SOX6: variants seen among roughly 807,000 people sequenced by gnomAD.
The protein encoded by SOX6 is transcription factor SOX-6.
SOX6 carries 11 observed loss-of-function variants against 97.8 expected under a neutral mutation model. That is an observed-to-expected ratio of 0.11 (90% CI 0.07 to 0.19). The LOEUF (loss-of-function observed/expected upper bound fraction) is 0.19. Among genes scored for constraint, SOX6 ranks in the 10% least tolerant of loss-of-function variants. The pLI is 1.00. For synonymous variants in SOX6, 360 were observed against 371.4 expected, an observed-to-expected ratio of 0.97 and a Z score of 0.35; for missense variants, 810 against 1,039.5, an observed-to-expected ratio of 0.78 and a Z score of 3.04.
intron 4 of SOX6, among the ~76,000 whole-genome samples, chr11:16,523,830 T>G (rs1861111296): frequency 6.6e-6 from 1 of 152,140 alleles, no homozygotes; most frequent in Admixed American, 6.5e-5. Context: ...AAATACAAAC[T>G]ACCATCAGAG....
chr11:16,310,143 T>C (rs746254815), intron 3 of SOX6, among the ~76,000 whole-genome samples: 8 of 151,980 alleles, frequency 5.3e-5, no homozygotes, highest in Non-Finnish European at 1.0e-4. Flanking sequence ...GACACACAAA[T>C]TGAAGTTAAG....
intron 4 of SOX6, among the ~76,000 whole-genome samples, chr11:16,487,511 A>G (rs914017489): frequency 2.0e-5 from 3 of 152,218 alleles, no homozygotes; most frequent in Non-Finnish European, 4.4e-5. Context: ...GAGGATTCCT[A>G]TCCTTGCTGA....
intron 6 of SOX6, among the ~76,000 whole-genome samples, chr11:16,158,974 G>A (rs1850672650): frequency 6.6e-6 from 1 of 151,652 alleles, no homozygotes; most frequent in Non-Finnish European, 1.5e-5. Flanking sequence ...ATGCCAAATA[G>A]ATAGCAGAGC....
chr11:16,020,497 A>ATGGCCATACAGCCAGTTCCATGG (rs1226814123), intron 12 of SOX6, among the ~76,000 whole-genome samples: 1 of 151,904 alleles, frequency 6.6e-6, no homozygotes, highest in African/African-American at 2.4e-5. Context: ...TCTTTCATAC[A>ATGGCCATACAGCCAGTTCCATGG]CTGCTCCCCA....
At chr11:16,553,348 C>T (rs1847711045) in intron 4 of SOX6, among the ~76,000 whole-genome samples, 1 of 152,170 alleles carries the variant, frequency 6.6e-6, no homozygotes, top group Admixed American at 6.6e-5. Context: ...TATCCACTTT[C>T]AATTATATGC....
intron 4 of SOX6, among the ~76,000 whole-genome samples, chr11:16,508,963 G>A (rs750563683): frequency 3.3e-5 from 5 of 151,884 alleles, no homozygotes; most frequent in Non-Finnish European, 5.9e-5. Context: ...ATGCAAATAT[G>A]TACCAATAAA....
chr11:16,170,617 C>A lies in SOX6; in HGVS notation c.777+13269G>T, dbSNP rs376957396. ...TGGCAAAACTGAAATGGTTAAGGAC[C>A]CGAATGGGACGGACTTGCTGTCCTC... On this transcript the variant is annotated intron_variant, in intron 6 of 15. Transcript: ENST00000683767. Among the ~76,000 whole-genome samples, 8 of 152,048 alleles carry A rather than the reference C, an allele frequency of 5.3e-5. No homozygotes were observed. In the South Asian group the frequency reaches 1.7e-3, roughly 32 times the overall value.
intron 6 of SOX6, among the ~76,000 whole-genome samples, chr11:16,174,395 G>T (rs11023860): frequency 0.58 from 87,485 of 151,648 alleles, 26,023 homozygotes; most frequent in East Asian, 0.75. Context: ...GTGGATAAAA[G>T]TAATTCAGCT....
chr11:16,172,471 G>A (rs746246423), intron 6 of SOX6, among the ~76,000 whole-genome samples: 14 of 151,966 alleles, frequency 9.2e-5, no homozygotes, highest in Non-Finnish European at 1.9e-4. Flanking sequence ...ATTATTTCAT[G>A]GGGCAAGCAT....
At position 16,097,705 on chromosome 11, in the gene SOX6, T is replaced by A; in HGVS notation, c.899-17A>T. On this transcript the variant is annotated splice_polypyrimidine_tract_variant and intron_variant, in intron 7 of 15. Coordinates refer to ENST00000683767, the MANE Select transcript of SOX6 (RefSeq NM_001367873.1). ...AGTTATCACCTGTCGGAAAGAACAA[T>A]GCATACAGGTTTAGACAATGCACAG... 1 of 1,605,196 alleles carries A rather than the reference T, an allele frequency of 6.2e-7. No homozygotes were observed. Among genetic ancestry groups the A allele is most frequent in the Non-Finnish European group, 8.5e-7 (1 of 1,172,760 alleles).
chr11:16,651,730 C>T (rs1312307724), intron 3 of SOX6, among the ~76,000 whole-genome samples: 2 of 152,264 alleles, frequency 1.3e-5, no homozygotes, highest in East Asian at 3.9e-4. Context: ...AGGATGCCCA[C>T]TCTCACCACT....
chr11:16,318,801 G>A, intron 2 of SOX6, 148 bp from the exon 3 acceptor site: 2 of 599,620 alleles, frequency 3.3e-6, no homozygotes, highest in South Asian at 2.4e-5. Flanking sequence ...TAACTTAGTA[G>A]GACAAATAAA....
At chr11:16,182,815 T>C (rs1851377954) in intron 6 of SOX6, among the ~76,000 whole-genome samples, 1 of 151,866 alleles carries the variant, frequency 6.6e-6, no homozygotes, top group Non-Finnish European at 1.5e-5. Context: ...TGAGTATGAT[T>C]AACAAAATGA....
intron 4 of SOX6, among the ~76,000 whole-genome samples, chr11:16,545,794 A>C (rs1053950756): frequency 6.6e-6 from 1 of 152,122 alleles, no homozygotes; most frequent in African/African-American, 2.4e-5. Flanking sequence ...GCTACAAAAA[A>C]TTAAAAGATT....
chr11:16,728,674 C>T (rs550307200), intron 2 of SOX6, among the ~76,000 whole-genome samples: 2 of 152,332 alleles, frequency 1.3e-5, no homozygotes, highest in African/African-American at 4.8e-5. Context: ...CACCTCTTCT[C>T]CTCCAAAGGA....
intron 2 of SOX6, among the ~76,000 whole-genome samples, chr11:16,735,828 T>C (rs1405102006): frequency 6.6e-6 from 1 of 152,172 alleles, no homozygotes; most frequent in Non-Finnish European, 1.5e-5. Context: ...CTAGGAATTT[T>C]TTTTTTTAGT....
chr11:16,085,319 TA>T (rs59728776), intron 9 of SOX6, among the ~76,000 whole-genome samples: 4,829 of 148,672 alleles, frequency 0.032, 223 homozygotes, highest in African/African-American at 0.1. Flanking sequence ...CTCCTTTTCT[TA>T]AAAAAAAAAA....
At chr11:16,498,839 G>T (rs906713576) in intron 4 of SOX6, among the ~76,000 whole-genome samples, 28 of 152,170 alleles carry the variant, frequency 1.8e-4, no homozygotes, top group Admixed American at 1.4e-3. Context: ...AAGAAACTTA[G>T]ACTCCCACAC....
At position 16,341,144 on chromosome 11, in the gene SOX6, T is replaced by A. The variant is rs1245969028; in HGVS notation, c.105A>T (p.Gln35His). ...GCAGAGGCAGATGGGAGGCCACATG[T>A]TGATCACTGCCCTCTTCCTTTTCCC... ...TSREKEEGSD[Q>H]HVASHLPLHP... Residue 35 changes from glutamine (Q) to histidine (H), a missense_variant, in exon 2 of 16, where the codon CAA becomes CAT. Gln to His is a conservative substitution (Grantham distance 24). Transcript: ENST00000683767. The A allele has an allele frequency of 6.2e-7, 1 of 1,613,442 alleles. No homozygotes were observed. The highest frequency in any genetic ancestry group is 8.5e-7 in the Non-Finnish European group (1 of 1,179,628).
Sources: gnomAD v4.1 joint callset for allele counts (sites outside exome capture counted in the v4.1 genomes callset) on GRCh38, gnomAD v4.1.1 for gene constraint, MANE v1.5 for transcripts, NCBI Gene and HGNC (gene_info 2026-07-23, HGNC 2026-07-21) for gene names.